The following DLG2 variants were observed in gnomAD, a reference collection of about 807,000 sequenced individuals.
The protein encoded by DLG2 is discs large MAGUK scaffold protein 2.
A neutral mutation model predicts 132.5 loss-of-function variants in DLG2; 45 were observed. That is an observed-to-expected ratio of 0.34 (90% CI 0.27 to 0.44). DLG2 has a LOEUF of 0.44. Ranked by LOEUF, DLG2 falls within the 20% of genes least tolerant of loss-of-function variation. The pLI, the probability that DLG2 is intolerant of heterozygous loss-of-function variation, is 1.00. For missense variants in DLG2, 1,045 were observed against 1,196.9 expected, an observed-to-expected ratio of 0.87 and a Z score of 1.87; for synonymous variants, 424 against 419.6, an observed-to-expected ratio of 1.01 and a Z score of -0.13.
intron 6 of DLG2, among the ~76,000 whole-genome samples, chr11:84,768,144 C>A (rs771546660): frequency 6.6e-6 from 1 of 152,120 alleles, no homozygotes; most frequent in Non-Finnish European, 1.5e-5. Context: ...CAACTTTCAA[C>A]GTATATTTAT....
chr11:84,423,359 C>T (rs1443487417), intron 7 of DLG2, among the ~76,000 whole-genome samples: 6 of 152,126 alleles, frequency 3.9e-5, no homozygotes, highest in Non-Finnish European at 1.5e-5. Flanking sequence ...AATAGTTCGA[C>T]TTAAATTCAA....
chr11:85,077,244 T>C (rs1429687232), intron 6 of DLG2, among the ~76,000 whole-genome samples: 1 of 151,956 alleles, frequency 6.6e-6, no homozygotes, highest in Non-Finnish European at 1.5e-5. Flanking sequence ...TGGTTAGGGT[T>C]AGAGTTTGGA....
At chr11:85,624,666 T>C (rs1247438150) in intron 2 of DLG2, among the ~76,000 whole-genome samples, 1 of 152,206 alleles carries the variant, frequency 6.6e-6, no homozygotes, top group Admixed American at 6.5e-5. Context: ...GTCTATAATA[T>C]TCAAGAATAT....
chr11:83,657,237 C>A (rs2072773480), intron 18 of DLG2, among the ~76,000 whole-genome samples: 1 of 152,148 alleles, frequency 6.6e-6, no homozygotes, highest in Non-Finnish European at 1.5e-5. Flanking sequence ...AAACAACAGA[C>A]CTCTTGAATT....
At chr11:84,271,317 A>G (rs1030287348) in intron 7 of DLG2, among the ~76,000 whole-genome samples, 4 of 152,196 alleles carry the variant, frequency 2.6e-5, no homozygotes, top group African/African-American at 9.6e-5. Flanking sequence ...GATTTTATAT[A>G]TGTGTGAATT....
intron 21 of DLG2, among the ~76,000 whole-genome samples, chr11:83,502,790 A>G (rs543756538): frequency 6.6e-6 from 1 of 152,192 alleles, no homozygotes; most frequent in East Asian, 1.9e-4. Flanking sequence ...AATTACCCTC[A>G]CTGAGATCCA....
chr11:83,932,060 T>C (rs115826286), intron 14 of DLG2, among the ~76,000 whole-genome samples: 6,274 of 152,202 alleles, frequency 0.041, 442 homozygotes, highest in African/African-American at 0.14. Flanking sequence ...GTGAGAGCAC[T>C]TAATATCTCA....
intron 3 of DLG2, among the ~76,000 whole-genome samples, chr11:85,447,908 A>G (rs1017195353): frequency 2.0e-5 from 3 of 152,158 alleles, no homozygotes; most frequent in Non-Finnish European, 4.4e-5. Flanking sequence ...ATCTTAACCA[A>G]TCTCTTTGAA....
intron 6 of DLG2, among the ~76,000 whole-genome samples, chr11:84,710,429 T>C (rs1010733278): frequency 3.3e-5 from 5 of 151,966 alleles, no homozygotes; most frequent in African/African-American, 1.2e-4. Flanking sequence ...ATAATGAGGA[T>C]ACTTGAGACA....
chr11:83,536,052 G>A (rs140161011), intron 20 of DLG2, among the ~76,000 whole-genome samples: 2 of 152,134 alleles, frequency 1.3e-5, no homozygotes, highest in Admixed American at 6.5e-5. Context: ...CTCAACAAAC[G>A]TGAGATTTTT....
At chr11:84,432,746 G>T (rs901711192) in intron 7 of DLG2, among the ~76,000 whole-genome samples, 1 of 152,120 alleles carries the variant, frequency 6.6e-6, no homozygotes, top group South Asian at 2.1e-4. Flanking sequence ...TCCAAGGTGG[G>T]CCAGGCATGG....
intron 7 of DLG2, among the ~76,000 whole-genome samples, chr11:84,272,506 C>T (rs1418381832): frequency 1.3e-5 from 2 of 152,020 alleles, no homozygotes; most frequent in Non-Finnish European, 2.9e-5. Flanking sequence ...TTATCTCGGC[C>T]TATCAAATGT....
At chr11:83,563,441 C>T (rs889310197) in intron 19 of DLG2, among the ~76,000 whole-genome samples, 3 of 152,182 alleles carry the variant, frequency 2.0e-5, no homozygotes, top group Non-Finnish European at 4.4e-5. Context: ...GAAGTGTTAA[C>T]GTAGCTGCAG....
At chr11:85,587,203 T>C (rs568323112) in intron 3 of DLG2, among the ~76,000 whole-genome samples, 13 of 152,306 alleles carry the variant, frequency 8.5e-5, no homozygotes, top group South Asian at 8.3e-4. Context: ...TCTGTAAATA[T>C]TTGTTAAGTC....
intron 15 of DLG2, among the ~76,000 whole-genome samples, chr11:83,875,381 C>G (rs2064498825): frequency 6.6e-6 from 1 of 152,096 alleles, no homozygotes; most frequent in African/African-American, 2.4e-5. Flanking sequence ...TCCCATTCAA[C>G]AGATGAAGAA....
chr11:85,320,035 ACCATGCTC>A (rs1358403235), intron 3 of DLG2, among the ~76,000 whole-genome samples: 1 of 151,818 alleles, frequency 6.6e-6, no homozygotes, highest in Non-Finnish European at 1.5e-5. Flanking sequence ...AATTTCTTAA[ACCATGCTC>A]TTTGAGCCTC....
chr11:84,844,838 G>C (rs1191036330), intron 6 of DLG2, among the ~76,000 whole-genome samples: 1 of 152,128 alleles, frequency 6.6e-6, no homozygotes, highest in Non-Finnish European at 1.5e-5. Flanking sequence ...ATGTTTAAAA[G>C]ACTGTTTTGG....
At chr11:84,590,913 A>G (rs1050523132) in intron 6 of DLG2, among the ~76,000 whole-genome samples, 17 of 152,260 alleles carry the variant, frequency 1.1e-4, no homozygotes, top group African/African-American at 3.9e-4. Flanking sequence ...AGAGGTGCAA[A>G]TTGGGAAGAA....
chr11:83,811,618 C>T (rs2047313979), intron 17 of DLG2, among the ~76,000 whole-genome samples: 1 of 152,010 alleles, frequency 6.6e-6, no homozygotes, highest in Non-Finnish European at 1.5e-5. Context: ...TAAAATAAAT[C>T]TTCCTGGTTC....
Sources: allele counts gnomAD v4.1 joint callset (sites outside exome capture counted in the v4.1 genomes callset), GRCh38; gene constraint gnomAD v4.1.1; transcripts MANE v1.5; gene names NCBI Gene and HGNC (gene_info 2026-07-23, HGNC 2026-07-21).